The following CSMD1 variants were observed in gnomAD, a reference collection of about 807,000 sequenced individuals.
CSMD1 encodes CUB and Sushi multiple domains 1, also known as CUB and sushi domain-containing protein 1.
Under a neutral mutation model 417.5 loss-of-function variants are expected in CSMD1, and 213 were observed. The ratio of observed to expected loss-of-function variants is 0.51; its 90% confidence interval spans 0.46 to 0.57. The LOEUF (loss-of-function observed/expected upper bound fraction) is 0.57. Among genes scored for constraint, CSMD1 ranks in the 20% least tolerant of loss-of-function variants. The pLI is 0.00. For synonymous variants in CSMD1, 2,862 were observed against 1,736.8 expected (o/e 1.65, Z -16.11); for missense variants, 6,923 against 4,529.7 (o/e 1.53, Z -15.17).
At chr8:3,870,636 T>G (rs1051997142) in intron 5 of CSMD1, among the ~76,000 whole-genome samples, 4 of 152,182 alleles carry the variant, frequency 2.6e-5, no homozygotes, top group Non-Finnish European at 5.9e-5. Context: ...ACAGGTGAAA[T>G]GGGATCTACT....
chr8:3,920,930 T>C (rs1051985906), intron 5 of CSMD1, among the ~76,000 whole-genome samples: 7 of 152,150 alleles, frequency 4.6e-5, no homozygotes, highest in African/African-American at 1.2e-4. Context: ...GGCCTGTACA[T>C]TTCTTTTATT....
intron 2 of CSMD1, among the ~76,000 whole-genome samples, chr8:4,469,535 T>C (rs1036939723): frequency 6.6e-6 from 1 of 152,186 alleles, no homozygotes; most frequent in African/African-American, 2.4e-5. Flanking sequence ...GGAGCCTTCC[T>C]CTTCTCAATT....
intron 4 of CSMD1, among the ~76,000 whole-genome samples, chr8:4,016,013 G>A (rs58952606): frequency 0.011 from 1,641 of 152,270 alleles, 29 homozygotes; most frequent in African/African-American, 0.036. Flanking sequence ...ATCAGCCACT[G>A]TCTTTCAGCC....
intron 1 of CSMD1, among the ~76,000 whole-genome samples, chr8:4,738,739 T>C (rs891804108): frequency 1.3e-5 from 2 of 152,224 alleles, no homozygotes; most frequent in Admixed American, 6.5e-5. Context: ...ATCATAATGA[T>C]TAATGGTATG....
At chr8:4,421,749 C>T (rs368088806) in intron 2 of CSMD1, among the ~76,000 whole-genome samples, 1 of 151,612 alleles carries the variant, frequency 6.6e-6, no homozygotes, top group Non-Finnish European at 1.5e-5. Flanking sequence ...AATCCCTAAT[C>T]CAAATTCTTA....
chr8:4,133,130 G>A (rs547079995), intron 3 of CSMD1, among the ~76,000 whole-genome samples: 2 of 152,058 alleles, frequency 1.3e-5, no homozygotes, highest in African/African-American at 4.8e-5. Context: ...TAGAGAAGGG[G>A]TTTCACCATA....
At chr8:3,016,612 C>A (rs1057082235) in intron 52 of CSMD1, among the ~76,000 whole-genome samples, 1 of 152,194 alleles carries the variant, frequency 6.6e-6, no homozygotes, top group East Asian at 1.9e-4. Context: ...TTAGTATGTA[C>A]ATATGTATGT....
chr8:4,980,519 G>C (rs1810830922), intron 1 of CSMD1, among the ~76,000 whole-genome samples: 1 of 152,324 alleles, frequency 6.6e-6, no homozygotes, highest in East Asian at 1.9e-4. Context: ...CTTAGACTGA[G>C]CTCTGCCTTT....
intron 1 of CSMD1, among the ~76,000 whole-genome samples, chr8:4,699,857 C>T (rs992326354): frequency 1.2e-4 from 18 of 152,120 alleles, no homozygotes; most frequent in African/African-American, 2.7e-4. Flanking sequence ...GACAATACTG[C>T]GAGCAAGAAC....
chr8:4,860,518 G>A (rs1802068681), intron 1 of CSMD1, among the ~76,000 whole-genome samples: 1 of 151,954 alleles, frequency 6.6e-6, no homozygotes, highest in Non-Finnish European at 1.5e-5. Context: ...AAAGCTCTCT[G>A]AGGCCTCGCT....
intron 2 of CSMD1, among the ~76,000 whole-genome samples, chr8:4,614,727 A>G (rs567619611): frequency 1.5e-4 from 23 of 152,262 alleles, no homozygotes; most frequent in African/African-American, 5.3e-4. Context: ...TCCTTAAAAT[A>G]TTCAATTACA....
At chr8:3,775,713 C>T (rs951681987) in intron 5 of CSMD1, among the ~76,000 whole-genome samples, 6 of 152,212 alleles carry the variant, frequency 3.9e-5, no homozygotes, top group African/African-American at 7.2e-5. Context: ...AAATGATGCA[C>T]GCAAACACAC....
chr8:3,983,737 T>C (rs972035434), intron 5 of CSMD1, among the ~76,000 whole-genome samples: 2 of 152,224 alleles, frequency 1.3e-5, no homozygotes, highest in Non-Finnish European at 1.5e-5. Flanking sequence ...GATGTTCCCC[T>C]AGTCTGGTAG....
chr8:4,117,026 C>A (rs377464644), intron 3 of CSMD1, among the ~76,000 whole-genome samples: 2 of 150,572 alleles, frequency 1.3e-5, no homozygotes, highest in East Asian at 1.9e-4. Context: ...CTTTTTTTTT[C>A]TTTTCGCAGT....
chr8:3,966,764 C>T (rs949102834), intron 5 of CSMD1, among the ~76,000 whole-genome samples: 22 of 151,930 alleles, frequency 1.4e-4, no homozygotes, highest in East Asian at 3.9e-4. Context: ...CGCGCGCGCG[C>T]GCACACACAC....
At chr8:4,291,113 G>A (rs1041899195) in intron 3 of CSMD1, among the ~76,000 whole-genome samples, 1 of 151,950 alleles carries the variant, frequency 6.6e-6, no homozygotes, top group African/African-American at 2.4e-5. Context: ...ACTTCTAAAT[G>A]TTTCTATGAC....
chr8:3,201,265 A>G (rs1796977548), intron 32 of CSMD1, among the ~76,000 whole-genome samples: 2 of 152,184 alleles, frequency 1.3e-5, no homozygotes, highest in Admixed American at 6.5e-5. Flanking sequence ...CGAAATGTTA[A>G]TCGTTTTTAT....
chr8:4,593,012 A>G (rs963461352), intron 2 of CSMD1, among the ~76,000 whole-genome samples: 2 of 152,170 alleles, frequency 1.3e-5, no homozygotes, highest in Admixed American at 6.5e-5. Flanking sequence ...CTATTTAGAA[A>G]ATTTCTTATT....
intron 6 of CSMD1, among the ~76,000 whole-genome samples, chr8:3,711,269 A>C (rs1801493128): frequency 6.6e-6 from 1 of 152,154 alleles, no homozygotes; most frequent in African/African-American, 2.4e-5. Flanking sequence ...AACTGTTGTC[A>C]TCAGAGCCAT....
Sources: allele counts gnomAD v4.1 joint callset (sites outside exome capture counted in the v4.1 genomes callset), GRCh38; gene constraint gnomAD v4.1.1; transcripts MANE v1.5; gene names NCBI Gene and HGNC (gene_info 2026-07-23, HGNC 2026-07-21).